The following CPQ variants were observed in gnomAD, a reference collection of about 807,000 sequenced individuals.
CPQ encodes the protein Ser-Met dipeptidase.
A neutral mutation model predicts 45.7 loss-of-function variants in CPQ; 37 were observed. The ratio of observed to expected loss-of-function variants is 0.81; its 90% CI spans 0.62 to 1.07. The LOEUF (loss-of-function observed/expected upper bound fraction) is 1.07. CPQ is among the 50% of genes least tolerant of loss of function. The pLI is 0.00. For missense variants in CPQ, 537 were observed against 572.9 expected, an observed-to-expected ratio of 0.94 and a Z score of 0.64; for synonymous variants, 186 against 205.8, an observed-to-expected ratio of 0.90 and a Z score of 0.82.
chr8:96,768,362 C>A (rs551041544), intron 1 of CPQ, among the ~76,000 whole-genome samples: 1 of 152,082 alleles, frequency 6.6e-6, no homozygotes, highest in East Asian at 1.9e-4. Context: ...TTAATTTCCC[C>A]TTGACGCCAC....
intron 1 of CPQ, among the ~76,000 whole-genome samples, chr8:96,764,598 A>G (rs1308139831): frequency 6.6e-6 from 1 of 152,212 alleles, no homozygotes; most frequent in Admixed American, 6.5e-5. Flanking sequence ...GCTGCTAAAA[A>G]AGTGATAAAA....
At chr8:96,777,730 A>G (rs1462129738) in intron 1 of CPQ, among the ~76,000 whole-genome samples, 6 of 5,030 alleles carry the variant, frequency 1.2e-3, no homozygotes, top group African/African-American at 4.9e-3. Flanking sequence ...GAAAATATAT[A>G]TATATATATA....
chr8:96,993,114 A>G (rs752666555), intron 5 of CPQ, among the ~76,000 whole-genome samples: 4 of 152,216 alleles, frequency 2.6e-5, no homozygotes, highest in Non-Finnish European at 4.4e-5. Context: ...TTCAAATGGA[A>G]AGGATGAAGG....
At chr8:96,777,448 T>C (rs1810619367) in intron 1 of CPQ, among the ~76,000 whole-genome samples, 1 of 151,990 alleles carries the variant, frequency 6.6e-6, no homozygotes, top group Non-Finnish European at 1.5e-5. Context: ...GGAGAATTCC[T>C]GTGATCTTCA....
At chr8:96,842,571 G>A (rs1020859431) in intron 3 of CPQ, among the ~76,000 whole-genome samples, 12 of 152,120 alleles carry the variant, frequency 7.9e-5, no homozygotes, top group South Asian at 2.1e-4. Flanking sequence ...CAAACACTGC[G>A]TTTTTTCTTC....
chr8:97,135,055 A>C (rs1812027215), intron 7 of CPQ, among the ~76,000 whole-genome samples: 1 of 152,182 alleles, frequency 6.6e-6, no homozygotes, highest in Non-Finnish European at 1.5e-5. Context: ...TGGGACCTGC[A>C]AGTCCACCAG....
At chr8:96,932,074 A>G (rs557702247) in intron 4 of CPQ, among the ~76,000 whole-genome samples, 10 of 152,310 alleles carry the variant, frequency 6.6e-5, no homozygotes, top group Non-Finnish European at 1.3e-4. Flanking sequence ...ATATTTTTTA[A>G]AAATGCAGAA....
chr8:96,745,971 A>T (rs1192347505), intron 1 of CPQ, among the ~76,000 whole-genome samples: 1 of 152,194 alleles, frequency 6.6e-6, no homozygotes, highest in African/African-American at 2.4e-5. Flanking sequence ...CCATGAGGTT[A>T]TTGAAACTGT....
intron 3 of CPQ, among the ~76,000 whole-genome samples, chr8:96,877,464 G>C (rs1812161350): frequency 1.3e-5 from 2 of 152,084 alleles, no homozygotes; most frequent in African/African-American, 4.8e-5. Flanking sequence ...AAGAGCCTAA[G>C]AACAAGGAGA....
chr8:96,844,431 G>A (rs940603241), intron 3 of CPQ, among the ~76,000 whole-genome samples: 2 of 152,322 alleles, frequency 1.3e-5, no homozygotes, highest in East Asian at 3.9e-4. Flanking sequence ...AATACATAGA[G>A]TGGGTTTCAA....
At chr8:97,086,440 T>A (rs973254254) in intron 7 of CPQ, among the ~76,000 whole-genome samples, 2 of 152,140 alleles carry the variant, frequency 1.3e-5, no homozygotes, top group Non-Finnish European at 2.9e-5. Flanking sequence ...GCTGAGGGGG[T>A]TACCTAAATG....
intron 1 of CPQ, among the ~76,000 whole-genome samples, chr8:96,779,543 G>C (rs1439918161): frequency 6.6e-6 from 1 of 152,036 alleles, no homozygotes; most frequent in Non-Finnish European, 1.5e-5. Context: ...TCAAAACACA[G>C]GTCTTGATTA....
intron 1 of CPQ, among the ~76,000 whole-genome samples, chr8:96,759,170 G>A (rs1174039162): frequency 6.6e-6 from 1 of 152,074 alleles, no homozygotes; most frequent in African/African-American, 2.4e-5. Flanking sequence ...GCTGCCCCAG[G>A]GGCTCTGCAG....
chr8:96,764,157 T>A (rs1810439684), intron 1 of CPQ, among the ~76,000 whole-genome samples: 1 of 152,188 alleles, frequency 6.6e-6, no homozygotes, highest in Admixed American at 6.5e-5. Flanking sequence ...AGTGATTGGA[T>A]AAATGAACTG....
chr8:96,782,425 G>A lies in CPQ; in HGVS notation c.-34-2439G>A, dbSNP rs148935270. ...ATGTGGGGAACAGACATTTGGGTAG[G>A]TGAGGTGCAGGGCAGTTAATTCTGA... is the stretch of plus-strand genomic sequence containing the variant. On this transcript the variant is annotated intron_variant, in intron 1 of 7. Coordinates refer to ENST00000220763, the MANE Select transcript of CPQ (RefSeq NM_016134.4). 7.4e-3 allele frequency among the ~76,000 whole-genome samples: 1,130 copies of A among 152,272 alleles called. 15 individuals carry two copies. The highest frequency in any genetic ancestry group is 0.026 in the African/African-American group (1,064 of 41,564).
intron 4 of CPQ, among the ~76,000 whole-genome samples, chr8:96,908,777 A>ACACCCCCC (rs147900019): frequency 6.7e-6 from 1 of 150,164 alleles, no homozygotes; most frequent in African/African-American, 2.5e-5. Context: ...ACACACACAC[A>ACACCCCCC]CCATATATTC....
intron 1 of CPQ, among the ~76,000 whole-genome samples, chr8:96,707,423 G>C (rs1430475468): frequency 6.6e-6 from 1 of 152,034 alleles, no homozygotes; most frequent in East Asian, 1.9e-4. Flanking sequence ...GGACAGCTTT[G>C]AATGCCCACA....
intron 1 of CPQ, among the ~76,000 whole-genome samples, chr8:96,762,884 A>G (rs776742005): frequency 6.6e-6 from 1 of 152,126 alleles, no homozygotes; most frequent in Non-Finnish European, 1.5e-5. Context: ...GTTTATGGTA[A>G]GAGGTGTGGT....
intron 4 of CPQ, among the ~76,000 whole-genome samples, chr8:96,926,576 C>CTCTTTTTCTTCTTCTTCTTCTTCT (rs1812882738): frequency 1.3e-5 from 1 of 74,976 alleles, no homozygotes; most frequent in African/African-American, 8.2e-5. Context: ...CTTCCTCTTC[C>CTCTTTTTCTTCTTCTTCTTCTTCT]TCTTCTTCTT....
Sources: allele counts gnomAD v4.1 joint callset (sites outside exome capture counted in the v4.1 genomes callset), GRCh38; gene constraint gnomAD v4.1.1; transcripts MANE v1.5; gene names NCBI Gene and HGNC (gene_info 2026-07-23, HGNC 2026-07-21).